The following IRAG2 variants were observed in gnomAD, a reference collection of about 807,000 sequenced individuals.
IRAG2 encodes the protein inositol 1,4,5-triphosphate receptor associated 2, also known as lymphoid restricted membrane protein.
Under a neutral mutation model 69.9 loss-of-function variants are expected in IRAG2, and 45 were observed. The observed-to-expected ratio is 0.64, with a 90% CI of 0.51 to 0.83. The LOEUF is 0.83. IRAG2 is among the 40% of genes least tolerant of loss of function. IRAG2 has a pLI of 0.00. For synonymous variants in IRAG2, 193 were observed against 202.4 expected (o/e 0.95, Z 0.40); for missense variants, 520 against 587.0 (o/e 0.89, Z 1.18).
chr12:25,058,365 T>C (rs1255745786), intron 1 of IRAG2, among the ~76,000 whole-genome samples: 5 of 152,242 alleles, frequency 3.3e-5, no homozygotes, highest in Non-Finnish European at 7.3e-5. Flanking sequence ...TTGTGCTGAT[T>C]GGCCATTGTA....
At chr12:25,057,664 G>A (rs1945352591) in intron 1 of IRAG2, among the ~76,000 whole-genome samples, 1 of 152,008 alleles carries the variant, frequency 6.6e-6, no homozygotes, top group Non-Finnish European at 1.5e-5. Flanking sequence ...TATTTAACAT[G>A]TCATAAAATG....
At chr12:25,050,031 G>C (rs1009557451), upstream of IRAG2, among the ~76,000 whole-genome samples, 6 of 149,132 alleles carry the variant, frequency 4.0e-5, no homozygotes, top group Non-Finnish European at 7.4e-5. Context: ...GCCGAGGCAG[G>C]AGAATGGCGT....
chr12:25,022,778 T>C (rs1944591433), intron 7 of IRAG2, among the ~76,000 whole-genome samples: 1 of 152,234 alleles, frequency 6.6e-6, no homozygotes, highest in East Asian at 1.9e-4. Flanking sequence ...CTTTAGAACA[T>C]CATGTTATAC....
intron 2 of IRAG2, among the ~76,000 whole-genome samples, chr12:25,010,869 A>G (rs1473198790): frequency 6.6e-6 from 1 of 152,230 alleles, no homozygotes; most frequent in African/African-American, 2.4e-5. Flanking sequence ...TGAATGTGAT[A>G]GTAGGGATGA....
intron 12 of IRAG2, among the ~76,000 whole-genome samples, chr12:25,033,370 C>T (rs1944682806): frequency 6.6e-6 from 1 of 152,132 alleles, no homozygotes; most frequent in Non-Finnish European, 1.5e-5. Flanking sequence ...AGTCCAGGAT[C>T]CACAGGAGCC....
chr12:25,087,153 CTTTTTTTTTTT>C (rs780510333), intron 10 of IRAG2, among the ~76,000 whole-genome samples: 108 of 76,678 alleles, frequency 1.4e-3, no homozygotes, highest in African/African-American at 5.0e-3. Context: ...ACTCTCCTTC[CTTTTTTTTTTT>C]TTTTTTTTTT....
At chr12:25,005,605 G>C (rs571873677) in intron 2 of IRAG2, among the ~76,000 whole-genome samples, 2 of 152,268 alleles carry the variant, frequency 1.3e-5, no homozygotes, top group African/African-American at 2.4e-5. Context: ...GAGCTTATCA[G>C]CTGACTTACC....
In IRAG2 at chr12:25,069,473, C is replaced by T. The variant is rs768033270; in HGVS notation, c.24+42C>T. On this transcript the variant is annotated intron_variant, in intron 6 of 21. Coordinates refer to ENST00000556887, the MANE Select transcript of IRAG2 (RefSeq NM_001366544.2). ...ATTTTGGTTTCATTTTCAGTATTAC[C>T]ATATCCTGTTCTTCTTCTATGGGTA... 3.2e-6 allele frequency: 5 copies of T among 1,562,696 alleles called. No individual in the cohort carries two copies. In the African/African-American group the frequency reaches 6.8e-5, roughly 21 times the overall value.
At chr12:25,062,206 G>A (rs1945677308) in intron 2 of IRAG2, among the ~76,000 whole-genome samples, 3 of 152,128 alleles carry the variant, frequency 2.0e-5, no homozygotes, top group Non-Finnish European at 4.4e-5. Flanking sequence ...AGCAAGGTTG[G>A]CACTGGAGGA....
At chr12:25,056,803 A>G (rs1945282747) in intron 1 of IRAG2, among the ~76,000 whole-genome samples, 1 of 152,230 alleles carries the variant, frequency 6.6e-6, no homozygotes, top group Non-Finnish European at 1.5e-5. Flanking sequence ...AGGAAAGGAA[A>G]AAGTCCTTAG....
chr12:25,040,185 C>T (rs998032796), intron 16 of IRAG2, among the ~76,000 whole-genome samples: 109 of 152,352 alleles, frequency 7.2e-4, no homozygotes, highest in African/African-American at 2.5e-3. Context: ...AGGCTACACA[C>T]AAAATAATTT....
rs544321306 is a variant in IRAG2, at chr12:25,090,612, A to C, written c.606+415A>C. On this transcript the variant is annotated intron_variant, in intron 14 of 21. Transcript: ENST00000556887. ...TTTTCAATAACACTTTCATAATTACATATGAAATTACTTGTATGACCCAAA... is the reference window on the plus strand; with the variant it reads ...TTTTCAATAACACTTTCATAATTACCTATGAAATTACTTGTATGACCCAAA... 4.6e-5 allele frequency among the ~76,000 whole-genome samples: 7 copies of C among 152,290 alleles called. No homozygotes were observed. In the East Asian group the frequency reaches 1.3e-3, roughly 29 times the overall value.
At chr12:25,055,946 G>A (rs1351607515) in intron 1 of IRAG2, among the ~76,000 whole-genome samples, 1 of 152,260 alleles carries the variant, frequency 6.6e-6, no homozygotes, top group Middle Eastern at 3.4e-3. Flanking sequence ...TCTTCATGGA[G>A]TCAGTCTTCT....
At chr12:25,099,960 A>G (rs1948650650) in intron 15 of IRAG2, among the ~76,000 whole-genome samples, 1 of 127,504 alleles carries the variant, frequency 7.8e-6, no homozygotes, top group Non-Finnish European at 1.6e-5. Context: ...AGATCGTGCC[A>G]TTGCACTCCA....
chr12:25,102,115 T>C (rs1020353417), intron 16 of IRAG2, 83 bp from the exon 17 acceptor site: 14 of 1,056,370 alleles, frequency 1.3e-5, no homozygotes, highest in Non-Finnish European at 1.9e-5. Flanking sequence ...GAATTTTGCT[T>C]TACCTTTAAA....
At chr12:25,054,367 C>T (rs1945089050) in intron 1 of IRAG2, among the ~76,000 whole-genome samples, 1 of 152,154 alleles carries the variant, frequency 6.6e-6, no homozygotes, top group South Asian at 2.1e-4. Flanking sequence ...CAGGACTATT[C>T]TTTTGCTCCA....
At chr12:25,069,598 C>A (rs188615861) in intron 6 of IRAG2, among the ~76,000 whole-genome samples, 167 bp downstream of exon 6, 6 of 152,136 alleles carry the variant, frequency 3.9e-5, no homozygotes, top group Non-Finnish European at 8.8e-5. Context: ...GAAATAGCAA[C>A]CTTTGAAGTC....
In IRAG2 at chr12:25,101,268, G is replaced by A; in HGVS notation, c.832G>A (p.Glu278Lys). 1 of 1,612,174 alleles carries A rather than the reference G, an allele frequency of 6.2e-7. No individual in the cohort carries two copies. The highest frequency in any genetic ancestry group is 8.5e-7 in the Non-Finnish European group (1 of 1,178,788). ...MYAKEHAELEELKQVLLQNER... is the reference protein window; with the variant it reads ...MYAKEHAELEKLKQVLLQNER... ...TGCCAAAGAGCACGCTGAATTAGAAGAACTGAAACAGGTTCTTCTGCAGAA... is the reference window on the plus strand; with the variant it reads ...TGCCAAAGAGCACGCTGAATTAGAAAAACTGAAACAGGTTCTTCTGCAGAA... The change falls in exon 16 of 22, where the codon GAA becomes AAA. Residue 278 changes from glutamate to lysine, a missense_variant. Transcript: ENST00000556887.
At chr12:25,082,899 A>G (rs970211475) in intron 9 of IRAG2, among the ~76,000 whole-genome samples, 13 of 152,212 alleles carry the variant, frequency 8.5e-5, no homozygotes, top group South Asian at 4.1e-4. Flanking sequence ...AAGTACATAA[A>G]AATAAACAGA....
Sources: allele counts gnomAD v4.1 joint callset (sites outside exome capture counted in the v4.1 genomes callset), GRCh38; gene constraint gnomAD v4.1.1; transcripts MANE v1.5; gene names NCBI Gene and HGNC (gene_info 2026-07-23, HGNC 2026-07-21).